FNTB: variants seen among roughly 807,000 people sequenced by gnomAD.
The protein encoded by FNTB is farnesyltransferase, CAAX box, subunit beta, also known as protein farnesyltransferase subunit beta.
A neutral mutation model predicts 59.4 loss-of-function variants in FNTB; 27 were observed. That is an observed-to-expected ratio of 0.45 (90% CI 0.34 to 0.63). The LOEUF (loss-of-function observed/expected upper bound fraction) is 0.63. FNTB is among the 20% of genes least tolerant of loss of function. The probability of loss-of-function intolerance (pLI) is 0.02; values close to 1 mark genes in which losing one functional copy is unlikely to be tolerated. For synonymous variants in FNTB, 230 were observed against 220.7 expected (o/e 1.04, Z -0.37); for missense variants, 449 against 559.6 (o/e 0.80, Z 1.99).
At chr14:65,034,056 A>G (rs1377364634) in intron 7 of FNTB, among the ~76,000 whole-genome samples, 1 of 152,192 alleles carries the variant, frequency 6.6e-6, no homozygotes, top group Non-Finnish European at 1.5e-5. Context: ...TCCTGGAGTT[A>G]ATGGATATAT....
chr14:64,987,269 A>G, intron 1 of FNTB, 172 bp downstream of exon 1: 2 of 741,314 alleles, frequency 2.7e-6, no homozygotes, highest in Non-Finnish European at 4.3e-6. Context: ...TTCGTCGTGG[A>G]GCGTTTGCGC....
In FNTB at chr14:65,014,761, C is replaced by T. The variant is rs2061739286; in HGVS notation, c.283-864C>T. Among the ~76,000 whole-genome samples, 1 of 152,134 alleles carries T rather than the reference C, an allele frequency of 6.6e-6. No homozygotes were observed. The highest frequency in any genetic ancestry group is 2.4e-5 in the African/African-American group (1 of 41,430). Reference sequence around the variant, plus strand: ...CCCGGGAGGTTGAGGCTGCAGTGAGCTGAGATCATACCACTGCACTCTAGC... The same window carrying T: ...CCCGGGAGGTTGAGGCTGCAGTGAGTTGAGATCATACCACTGCACTCTAGC... On this transcript the variant is annotated intron_variant, in intron 3 of 11. Transcript: ENST00000246166. The surrounding 1 kb of genome is among the most constrained non-coding windows in gnomAD (Gnocchi z 5.1).
At position 65,032,859 on chromosome 14, in the gene FNTB, C is replaced by A. The variant is rs574336167; in HGVS notation, c.692+163C>A. Reference sequence around the variant, plus strand: ...TTTTTTTAAATACTTAAAATGTCTTCTTTTTTCCAAACTTTCTTTAATGTT... The same window carrying A: ...TTTTTTTAAATACTTAAAATGTCTTATTTTTTCCAAACTTTCTTTAATGTT... On this transcript the variant is annotated intron_variant, in intron 7 of 11. Transcript: ENST00000246166. The surrounding 1 kb of genome is among the most constrained non-coding windows in gnomAD (Gnocchi z 5.0). Among the ~76,000 whole-genome samples, 98 of 152,272 alleles carry A rather than the reference C, an allele frequency of 6.4e-4. 1 individual carries two copies. Among genetic ancestry groups the A allele is most frequent in the South Asian group, 5.8e-3 (28 of 4,834 alleles).
At chr14:65,017,835 A>T (rs2061808181) in intron 4 of FNTB, among the ~76,000 whole-genome samples, 1 of 151,994 alleles carries the variant, frequency 6.6e-6, no homozygotes, top group African/African-American at 2.4e-5. Context: ...CATGCCTGTC[A>T]TCCCAGCTAC....
intron 7 of FNTB, among the ~76,000 whole-genome samples, chr14:65,038,365 G>A (rs997571547): frequency 1.3e-5 from 2 of 151,512 alleles, no homozygotes; most frequent in Admixed American, 6.6e-5. Context: ...AGCCGAGATC[G>A]CACCATTGCA....
chr14:65,025,058 A>G (rs527931147), intron 4 of FNTB, among the ~76,000 whole-genome samples: 3 of 152,330 alleles, frequency 2.0e-5, no homozygotes, highest in South Asian at 2.1e-4. Context: ...CAAGTTGGAA[A>G]GCCTTGGGAT....
At chr14:65,000,838 A>AAAAAAAAAAAAAAAAAAAGAAAG (rs778200008) in intron 1 of FNTB, among the ~76,000 whole-genome samples, 6 of 116,020 alleles carry the variant, frequency 5.2e-5, no homozygotes, top group East Asian at 2.3e-4. Flanking sequence ...AAAAAAAAAA[A>AAAAAAAAAAAAAAAAAAAGAAAG]AAAGAATAGT....
Position 65,031,846 on chromosome 14 carries a change from A to C in FNTB, c.606-764A>C, listed in dbSNP as rs2139589070. 6.6e-6 allele frequency among the ~76,000 whole-genome samples: 1 copy of C among 152,200 alleles called. No individual in the cohort carries two copies. Among genetic ancestry groups the C allele is most frequent in the East Asian group, 2.0e-4 (1 of 5,122 alleles). On this transcript the variant is annotated intron_variant, in intron 6 of 11. Coordinates refer to ENST00000246166, the MANE Select transcript of FNTB (RefSeq NM_002028.4). The surrounding 1 kb of genome is among the most constrained non-coding windows in gnomAD (Gnocchi z 4.6). ...TGATACAGGAGAATTGCTTGAACCCAGGAGGCGGAGGTTGCAGTGAGCTGA... is the reference window on the plus strand; with the variant it reads ...TGATACAGGAGAATTGCTTGAACCCCGGAGGCGGAGGTTGCAGTGAGCTGA...
intron 9 of FNTB, among the ~76,000 whole-genome samples, chr14:65,050,657 CT>C (rs1304082425): frequency 6.6e-6 from 1 of 152,140 alleles, no homozygotes. Context: ...TTGCTGGTAG[CT>C]ATATAAAGTC....
At chr14:65,000,838 A>AAAAAAAAAAAG (rs778200008) in intron 1 of FNTB, among the ~76,000 whole-genome samples, 5 of 116,022 alleles carry the variant, frequency 4.3e-5, no homozygotes, top group Non-Finnish European at 8.0e-5. Context: ...AAAAAAAAAA[A>AAAAAAAAAAAG]AAAGAATAGT....
chr14:65,005,825 A>G (rs926309130), intron 2 of FNTB, among the ~76,000 whole-genome samples: 1 of 152,068 alleles, frequency 6.6e-6, no homozygotes, highest in African/African-American at 2.4e-5. Flanking sequence ...TATTTTTTGT[A>G]GAGATGGGGG....
At chr14:65,036,009 G>A (rs938734660) in intron 7 of FNTB, among the ~76,000 whole-genome samples, 3 of 151,892 alleles carry the variant, frequency 2.0e-5, no homozygotes, top group African/African-American at 4.8e-5. Flanking sequence ...TTTTTAAAAT[G>A]TCTTGTAAAG....
chr14:64,995,583 C>T (rs946442200), intron 1 of FNTB, among the ~76,000 whole-genome samples: 26 of 151,832 alleles, frequency 1.7e-4, no homozygotes, highest in South Asian at 1.7e-3. Context: ...ATATGGGGTA[C>T]GTTCTTGACC....
At chr14:65,021,046 A>T (rs2061877326) in intron 4 of FNTB, among the ~76,000 whole-genome samples, 1 of 152,148 alleles carries the variant, frequency 6.6e-6, no homozygotes, top group Non-Finnish European at 1.5e-5. Flanking sequence ...CCCTCTTTTA[A>T]GAGGTTATAT....
In FNTB at chr14:65,027,453, T is replaced by C. The variant is rs1393582460; in HGVS notation, c.375T>C (p.Asp125=). 1 of 1,614,062 alleles carries C rather than the reference T, an allele frequency of 6.2e-7. No homozygotes were observed. Among genetic ancestry groups the C allele is most frequent in the Non-Finnish European group, 8.5e-7 (1 of 1,180,030 alleles). ...DEPIPQIVAT[D]VCQFLELCQS... is the part of the protein sequence containing the mutation. ...TTTTGCCCTTTGGCTGTGTACCTAG[T>C]GTGTGTCAGTTCCTGGAGCTGTGTC... Residue 125 remains aspartate (D), a splice_region_variant and synonymous_variant, in exon 5 of 12, where the codon GAT becomes GAC. Transcript: ENST00000246166. This position sits in a 1 kb window ranked among gnomAD's most constrained non-coding sequence, Gnocchi z 5.7.
intron 9 of FNTB, among the ~76,000 whole-genome samples, chr14:65,046,219 G>C (rs1024279431): frequency 3.3e-5 from 5 of 152,208 alleles, no homozygotes; most frequent in African/African-American, 1.2e-4. Context: ...CAGGTGATCT[G>C]TCCGCCTTGG....
intron 9 of FNTB, among the ~76,000 whole-genome samples, chr14:65,051,948 C>G (rs1348682157): frequency 2.0e-5 from 3 of 151,870 alleles, no homozygotes; most frequent in African/African-American, 4.8e-5. Flanking sequence ...GCGCCCACCA[C>G]CATGTCCGGC....
Position 65,005,504 on chromosome 14 carries a change from T to TCTTTCTTTCTTC in FNTB, c.209+1201_209+1202insTCCTTTCTTTCT, listed in dbSNP as rs72026000. On this transcript the variant is annotated intron_variant, in intron 2 of 11. Coordinates refer to ENST00000246166, the MANE Select transcript of FNTB (RefSeq NM_002028.4). ...TTCTTTCTTTCTTTCTTTCTTTCTT[T>TCTTTCTTTCTTC]CTTTCTTTCTCTCTCTCTTTCTCTT... Among the ~76,000 whole-genome samples, 55 of 117,796 alleles carry TCTTTCTTTCTTC rather than the reference T, an allele frequency of 4.7e-4. No homozygotes were observed. The South Asian group carries it at 5.9e-3, about 13-fold the overall frequency. The allele number at this position is 117,796 out of a possible 152,430, so 77.3% of individuals were successfully genotyped here.
intron 4 of FNTB, 152 bp downstream of exon 4, chr14:65,015,868 A>T: frequency 1.3e-6 from 1 of 770,548 alleles, no homozygotes; most frequent in Middle Eastern, 3.2e-4. Context: ...CAACTTCCTG[A>T]AACTCCTCCA....
Sources: allele counts gnomAD v4.1 joint callset (sites outside exome capture counted in the v4.1 genomes callset), GRCh38; gene constraint gnomAD v4.1.1; non-coding constraint Gnocchi (gnomAD v3.1); transcripts MANE v1.5; gene names NCBI Gene and HGNC (gene_info 2026-07-23, HGNC 2026-07-21).